SRFBP1: variants seen among roughly 807,000 people sequenced by gnomAD.
SRFBP1 encodes the protein serum response factor-binding protein 1.
In SRFBP1, 47 loss-of-function variants were observed where a neutral mutation model predicts 45.5. The ratio of observed to expected loss-of-function variants is 1.03; its 90% CI spans 0.82 to 1.32. SRFBP1 has a LOEUF of 1.32. Ranked by LOEUF, SRFBP1 falls within the 40% of genes most tolerant of loss-of-function variation. The pLI, the probability that SRFBP1 is intolerant of heterozygous loss-of-function variation, is 0.00. For missense variants in SRFBP1, 621 were observed against 484.6 expected (o/e 1.28, Z -2.64); for synonymous variants, 203 against 166.3 (o/e 1.22, Z -1.70).
At chr5:121,970,003 T>G (rs79347362) in intron 1 of SRFBP1, among the ~76,000 whole-genome samples, 5,655 of 152,210 alleles carry the variant, frequency 0.037, 305 homozygotes, top group African/African-American at 0.11. Context: ...TTTGCCAAAA[T>G]GTACTGCCAT....
At chr5:122,006,160 A>C (rs947562438) in intron 4 of SRFBP1, among the ~76,000 whole-genome samples, 3 of 151,694 alleles carry the variant, frequency 2.0e-5, no homozygotes, top group Non-Finnish European at 4.4e-5. Context: ...AACTTTGCCA[A>C]GTACAGTATT....
chr5:122,010,491 A>G (rs149390282), intron 4 of SRFBP1, among the ~76,000 whole-genome samples: 2 of 152,274 alleles, frequency 1.3e-5, no homozygotes, highest in Middle Eastern at 3.4e-3. Flanking sequence ...CTTAGGGGAA[A>G]TAGAGCAGTG....
At chr5:122,015,750 C>T (rs1020956276) in intron 4 of SRFBP1, among the ~76,000 whole-genome samples, 1 of 152,174 alleles carries the variant, frequency 6.6e-6, no homozygotes, top group African/African-American at 2.4e-5. Flanking sequence ...CTCTATTATT[C>T]CTTTCCTGCT....
In SRFBP1 at chr5:121,964,938, G is replaced by A. The variant is rs1170027557; in HGVS notation, c.36+2870G>A. 2.6e-5 allele frequency among the ~76,000 whole-genome samples: 4 copies of A among 152,288 alleles called. No homozygotes were observed. The East Asian group carries it at 7.7e-4, about 29-fold the overall frequency. On this transcript the variant is annotated intron_variant, in intron 1 of 7. Coordinates refer to ENST00000339397, the MANE Select transcript of SRFBP1 (RefSeq NM_152546.3). The stretch of plus-strand genomic sequence containing the variant: ...TGGTTTGGATTTGCATATCTCTAAT[G>A]ACCACTGGTGATGAGCATTTTTTCA...
chr5:122,002,981 A>G (rs565274552), intron 4 of SRFBP1, among the ~76,000 whole-genome samples: 1 of 152,198 alleles, frequency 6.6e-6, no homozygotes, highest in Non-Finnish European at 1.5e-5. Context: ...TGTCTTTGTC[A>G]GAAAAGCAAC....
In SRFBP1 at chr5:122,052,354, G is replaced by T. The variant is rs78292939; in HGVS notation, n.312-22961G>T. Among the ~76,000 whole-genome samples the T allele has an allele frequency of 5.1e-3, 784 of 152,238 alleles. 20 individuals carry two copies. In the East Asian group the frequency reaches 0.053, roughly 10 times the overall value. On this transcript the variant is annotated intron_variant and non_coding_transcript_variant, in intron 2 of 2. Coordinates refer to the SRFBP1 transcript ENST00000504881. Reference sequence around the variant, plus strand: ...CTGAAATATGTTTTTCAAGTTGTTTGCATTCTCCCCATCTCTTTCAGGGAT... The same window carrying T: ...CTGAAATATGTTTTTCAAGTTGTTTTCATTCTCCCCATCTCTTTCAGGGAT...
intron 1 of SRFBP1, among the ~76,000 whole-genome samples, chr5:121,971,622 A>G (rs1041866286): frequency 6.6e-6 from 1 of 152,048 alleles, no homozygotes; most frequent in African/African-American, 2.4e-5. Flanking sequence ...CTCTTTGTTT[A>G]GGTGGCAAAT....
At chr5:121,993,984 T>A (rs1413061125) in intron 3 of SRFBP1, among the ~76,000 whole-genome samples, 1 of 152,064 alleles carries the variant, frequency 6.6e-6, no homozygotes, top group African/African-American at 2.4e-5. Flanking sequence ...TTTCTTTGAC[T>A]TAATATGTGA....
chr5:122,039,243 C>A (rs78071507), intron 2 of SRFBP1, among the ~76,000 whole-genome samples: 8,008 of 152,062 alleles, frequency 0.053, 245 homozygotes, highest in African/African-American at 0.072. Context: ...AATTTCTGTA[C>A]CTGGTGTTTA....
intron 4 of SRFBP1, among the ~76,000 whole-genome samples, chr5:121,995,472 CA>C (rs1022547111): frequency 6.6e-6 from 1 of 152,058 alleles, no homozygotes. Context: ...CCAACGAGAA[CA>C]AAGACACAAC....
intron 3 of SRFBP1, among the ~76,000 whole-genome samples, chr5:121,982,193 G>A (rs1045704852): frequency 6.6e-6 from 1 of 151,902 alleles, no homozygotes; most frequent in African/African-American, 2.4e-5. Context: ...TTAAAAGGTA[G>A]AACTTTTGTT....
intron 7 of SRFBP1, among the ~76,000 whole-genome samples, 163 bp from the exon 8 acceptor site, chr5:122,026,779 A>G (rs1267750147): frequency 2.0e-5 from 3 of 152,160 alleles, no homozygotes; most frequent in African/African-American, 7.2e-5. Flanking sequence ...TAAATTTTCA[A>G]CTTCAAACTA....
intron 1 of SRFBP1, among the ~76,000 whole-genome samples, chr5:121,963,398 AGG>A (rs1751991616): frequency 1.3e-5 from 2 of 152,188 alleles, no homozygotes; most frequent in African/African-American, 4.8e-5. Flanking sequence ...ATTTTGCATT[AGG>A]TTACCTGTGA....
intron 3 of SRFBP1, among the ~76,000 whole-genome samples, chr5:121,992,039 TG>T (rs552343347): frequency 5.3e-4 from 80 of 152,262 alleles, no homozygotes; most frequent in African/African-American, 1.6e-3. Flanking sequence ...ATACGAAGAC[TG>T]GTAGGAGATG....
intron 3 of SRFBP1, among the ~76,000 whole-genome samples, chr5:121,993,899 C>CT (rs1249849602): frequency 1.3e-5 from 2 of 151,590 alleles, no homozygotes; most frequent in Non-Finnish European, 2.9e-5. Context: ...GATTTTCTTT[C>CT]ATTTCTACTT....
In SRFBP1 at chr5:121,962,059, C is replaced by A; in HGVS notation, c.27C>A (p.Leu9=). 1 of 1,614,092 alleles carries A rather than the reference C, an allele frequency of 6.2e-7. No individual in the cohort carries two copies. The highest frequency in any genetic ancestry group is 8.5e-7 in the Non-Finnish European group (1 of 1,180,028). The change falls in exon 1 of 8, where the codon CTC becomes CTA. Residue 9 remains leucine, a synonymous_variant. Transcript: ENST00000339397. The part of the protein sequence containing the change: MAQPGTLN[L]NNEVVKMRKE... ...TGGCTCAGCCGGGAACTCTGAACCT[C>A]AATAACGAGGTGAGCGCCGAGGAAC...
intron 2 of SRFBP1, chr5:122,064,934 ATACTGACAGTAGTT>A (rs1246617233): frequency 6.6e-6 from 1 of 152,118 alleles, no homozygotes; most frequent in Non-Finnish European, 1.5e-5. Context: ...CTCAGTATTA[ATACTGACAGTAGTT>A]TTTTTGTTTT....
intron 1 of SRFBP1, among the ~76,000 whole-genome samples, chr5:121,963,302 C>T (rs774515972): frequency 1.3e-5 from 2 of 152,130 alleles, no homozygotes; most frequent in African/African-American, 4.8e-5. Flanking sequence ...ACAGGATATG[C>T]TGAAGAGGGA....
At chr5:122,059,026 GAA>G (rs1167972541) in intron 2 of SRFBP1, among the ~76,000 whole-genome samples, 2 of 152,144 alleles carry the variant, frequency 1.3e-5, no homozygotes, top group Admixed American at 1.3e-4. Flanking sequence ...TCAGGTCTTT[GAA>G]AGAGAAAGAA....
Sources: allele counts gnomAD v4.1 joint callset (sites outside exome capture counted in the v4.1 genomes callset), GRCh38; gene constraint gnomAD v4.1.1; transcripts MANE v1.5; gene names NCBI Gene and HGNC (gene_info 2026-07-23, HGNC 2026-07-21).